SLC24A3: variants seen among roughly 807,000 people sequenced by gnomAD.
The protein encoded by SLC24A3 is sodium/potassium/calcium exchanger 3.
In SLC24A3, 28 loss-of-function variants were observed where a neutral mutation model predicts 75.8. The observed-to-expected ratio is 0.37, with a 90% CI of 0.27 to 0.51. The LOEUF (loss-of-function observed/expected upper bound fraction) is 0.51, where lower values mean the gene tolerates loss of function less well. SLC24A3 is among the 20% of genes least tolerant of loss of function. The pLI, the probability that SLC24A3 is intolerant of heterozygous loss-of-function variation, is 0.94. For synonymous variants in SLC24A3, 372 were observed against 334.1 expected (o/e 1.11, Z -1.24); for missense variants, 663 against 847.8 (o/e 0.78, Z 2.71).
intron 15 of SLC24A3, among the ~76,000 whole-genome samples, chr20:19,713,421 G>T (rs2033010368): frequency 6.6e-6 from 1 of 152,200 alleles, no homozygotes; most frequent in East Asian, 1.9e-4. Flanking sequence ...ATTATCCAGG[G>T]AGTGGCATCC....
chr20:19,247,705 A>T (rs1982535838), intron 1 of SLC24A3, among the ~76,000 whole-genome samples: 1 of 152,226 alleles, frequency 6.6e-6, no homozygotes, highest in Non-Finnish European at 1.5e-5. Flanking sequence ...TTAATTGTAT[A>T]TTGAGAACAT....
intron 15 of SLC24A3, among the ~76,000 whole-genome samples, chr20:19,699,314 G>A (rs2032845338): frequency 6.6e-6 from 1 of 152,240 alleles, no homozygotes; most frequent in African/African-American, 2.4e-5. Flanking sequence ...CAACGCCCTG[G>A]CGGGGAGAGG....
intron 4 of SLC24A3, 26 bp from the exon 5 acceptor site, chr20:19,584,945 T>C: frequency 1.2e-6 from 2 of 1,601,310 alleles, no homozygotes; most frequent in African/African-American, 1.3e-5. Flanking sequence ...CCAACTCACC[T>C]GTGCTTTGTC....
At chr20:19,256,134 T>A (rs755708503) in intron 1 of SLC24A3, among the ~76,000 whole-genome samples, 36 of 149,970 alleles carry the variant, frequency 2.4e-4, no homozygotes, top group South Asian at 6.3e-4. Context: ...AGTAATTTTT[T>A]ATCTACACAG....
At chr20:19,252,090 G>A (rs1396194463) in intron 1 of SLC24A3, among the ~76,000 whole-genome samples, 1 of 152,182 alleles carries the variant, frequency 6.6e-6, no homozygotes, top group East Asian at 1.9e-4. Context: ...ATTTATGGTG[G>A]TGGTTGATTC....
intron 2 of SLC24A3, among the ~76,000 whole-genome samples, chr20:19,384,160 ATAGT>A (rs1270139196): frequency 2.6e-5 from 4 of 152,348 alleles, no homozygotes; most frequent in South Asian, 2.1e-4. Context: ...ACTGCCTCAC[ATAGT>A]TAGCATTTTT....
chr20:19,347,887 G>A (rs945726491), intron 2 of SLC24A3, among the ~76,000 whole-genome samples: 1 of 152,166 alleles, frequency 6.6e-6, no homozygotes, highest in African/African-American at 2.4e-5. Flanking sequence ...CTACTTGATG[G>A]GGTTGTTGTG....
At chr20:19,678,534 C>T (rs1402284698) in intron 9 of SLC24A3, among the ~76,000 whole-genome samples, 11 of 141,722 alleles carry the variant, frequency 7.8e-5, no homozygotes, top group African/African-American at 1.9e-4. Context: ...ACCTCCCTCC[C>T]GGACGGGGCG....
intron 8 of SLC24A3, among the ~76,000 whole-genome samples, chr20:19,670,856 G>A (rs2032457240): frequency 6.6e-6 from 1 of 152,138 alleles, no homozygotes; most frequent in African/African-American, 2.4e-5. Flanking sequence ...TTCTGCTGGG[G>A]AGAAGAGGCA....
chr20:19,365,499 A>T (rs538191482), intron 2 of SLC24A3, among the ~76,000 whole-genome samples: 2 of 152,170 alleles, frequency 1.3e-5, no homozygotes, highest in Non-Finnish European at 2.9e-5. Context: ...CAGAGTTTCT[A>T]TATGGGAATG....
intron 6 of SLC24A3, among the ~76,000 whole-genome samples, chr20:19,594,853 G>C (rs1237803547): frequency 6.6e-6 from 1 of 152,182 alleles, no homozygotes; most frequent in East Asian, 1.9e-4. Flanking sequence ...AAGTACATGA[G>C]AGAGAAGTTA....
At chr20:19,305,798 T>C (rs778251650) in intron 2 of SLC24A3, among the ~76,000 whole-genome samples, 9 of 152,106 alleles carry the variant, frequency 5.9e-5, no homozygotes, top group African/African-American at 9.7e-5. Flanking sequence ...CTAGGAAATA[T>C]CATTCTGAAC....
intron 6 of SLC24A3, among the ~76,000 whole-genome samples, chr20:19,618,616 C>A (rs977412080): frequency 6.6e-6 from 1 of 152,166 alleles, no homozygotes; most frequent in Admixed American, 6.5e-5. Flanking sequence ...CCCGTGACAA[C>A]CATGTACCAA....
chr20:19,287,986 A>T (rs1983854286), intron 2 of SLC24A3, among the ~76,000 whole-genome samples: 1 of 152,242 alleles, frequency 6.6e-6, no homozygotes, highest in Non-Finnish European at 1.5e-5. Context: ...GAGCAGCTGC[A>T]AATCATAGTA....
chr20:19,405,887 A>G (rs1173288660), intron 2 of SLC24A3, among the ~76,000 whole-genome samples: 1 of 152,246 alleles, frequency 6.6e-6, no homozygotes, highest in Non-Finnish European at 1.5e-5. Flanking sequence ...AACAGTTTTA[A>G]CACACGGATT....
intron 2 of SLC24A3, among the ~76,000 whole-genome samples, chr20:19,439,397 A>C (rs1243811323): frequency 2.6e-5 from 4 of 152,234 alleles, no homozygotes; most frequent in African/African-American, 9.6e-5. Context: ...ACATGTAAAC[A>C]AAAATTATAT....
At chr20:19,357,079 T>A (rs1386740539) in intron 2 of SLC24A3, among the ~76,000 whole-genome samples, 1 of 152,172 alleles carries the variant, frequency 6.6e-6, no homozygotes, top group Non-Finnish European at 1.5e-5. Flanking sequence ...TTGGATTATC[T>A]GGGTGGGCCC....
chr20:19,572,003 A>C (rs1234952603), intron 3 of SLC24A3, among the ~76,000 whole-genome samples: 1 of 152,202 alleles, frequency 6.6e-6, no homozygotes, highest in African/African-American at 2.4e-5. Flanking sequence ...CAGTAGGGGA[A>C]TAGAAAGTGA....
intron 2 of SLC24A3, among the ~76,000 whole-genome samples, chr20:19,345,263 C>A (rs904032742): frequency 2.6e-5 from 4 of 151,760 alleles, no homozygotes; most frequent in African/African-American, 9.7e-5. Flanking sequence ...TGAAAGAAAT[C>A]AAAAAAAGAA....
Sources: allele counts gnomAD v4.1 joint callset (sites outside exome capture counted in the v4.1 genomes callset), GRCh38; gene constraint gnomAD v4.1.1; transcripts MANE v1.5; gene names NCBI Gene and HGNC (gene_info 2026-07-23, HGNC 2026-07-21).